NNT: variants seen among roughly 807,000 people sequenced by gnomAD.
NNT encodes NAD(P) transhydrogenase, mitochondrial.
In NNT, 50 loss-of-function variants were observed where a neutral mutation model predicts 104.8. The ratio of observed to expected loss-of-function variants is 0.48; its 90% confidence interval spans 0.38 to 0.60. NNT has a LOEUF of 0.60. Ranked by LOEUF, NNT falls within the 20% of genes least tolerant of loss-of-function variation. The pLI, the probability that NNT is intolerant of heterozygous loss-of-function variation, is 0.00. For missense variants in NNT, 1,131 were observed against 1,330.7 expected (o/e 0.85, Z 2.33); for synonymous variants, 461 against 490.4 (o/e 0.94, Z 0.79).
chr5:43,662,893 CAAA>C (rs34800286), intron 17 of NNT, among the ~76,000 whole-genome samples: 4 of 79,644 alleles, frequency 5.0e-5, no homozygotes, highest in Admixed American at 1.5e-4. Context: ...GACCCTGTCT[CAAA>C]AAAAAAAAAA....
At position 43,704,331 on chromosome 5, in the gene NNT, C is replaced by T; in HGVS notation, c.3188C>T (p.Ala1063Val). 1.2e-6 allele frequency: 2 copies of T among 1,612,542 alleles called. No homozygotes were observed. Among genetic ancestry groups the T allele is most frequent in the East Asian group, 2.2e-5 (1 of 44,742 alleles). ...DNPIFYKPNT[A>V]MLLGDAKKTC... Reference sequence around the variant, plus strand: ...CCAATCTTCTACAAACCTAACACGGCCATGCTTCTAGGTGATGCCAAGAAA... The same window carrying T: ...CCAATCTTCTACAAACCTAACACGGTCATGCTTCTAGGTGATGCCAAGAAA... Residue 1063 changes from alanine (A) to valine (V), a missense_variant, in exon 22 of 22, where the codon GCC becomes GTC. By Grantham distance (64) the Ala-to-Val change is moderately conservative. Coordinates refer to ENST00000344920, the MANE Select transcript of NNT (RefSeq NM_182977.3).
At chr5:43,651,691 G>A (rs965964122) in intron 12 of NNT, 48 bp from the exon 13 acceptor site, 53 of 1,596,738 alleles carry the variant, frequency 3.3e-5, no homozygotes, top group Non-Finnish European at 4.4e-5. Context: ...ATGTTGCTCA[G>A]TGAGCTCAAA....
chr5:43,609,473 AAAC>A (rs1355257757), intron 2 of NNT, 127 bp downstream of exon 2: 2 of 841,206 alleles, frequency 2.4e-6, no homozygotes, highest in Non-Finnish European at 3.6e-6. Context: ...CATTTTAAAC[AAAC>A]AACAAGTAAG....
At chr5:43,682,914 A>G (rs1741797899) in intron 19 of NNT, among the ~76,000 whole-genome samples, 2 of 152,224 alleles carry the variant, frequency 1.3e-5, no homozygotes, top group African/African-American at 4.8e-5. Flanking sequence ...TTAATTGATT[A>G]ATTAATAGGC....
At chr5:43,613,644 T>C in intron 3 of NNT, 1 of 152,708 alleles carries the variant, frequency 6.5e-6, no homozygotes, top group East Asian at 1.9e-4. Flanking sequence ...TAAAATAAGT[T>C]CTTAAGGTAA....
rs764108779 is a variant in NNT, at chr5:43,659,281, C to T, written c.2565C>T (p.Asn855=). The change falls in exon 17 of 22, where the codon AAC becomes AAT. Residue 855 remains asparagine, a synonymous_variant. Coordinates refer to ENST00000344920, the MANE Select transcript of NNT (RefSeq NM_182977.3). ...ALCAEGFLLN[N]NLLTIVGALI... is the part of the protein sequence containing the mutation. ...GTGCAGAGGGCTTCCTGCTCAACAA[C>T]AATCTGCTGACCATCGTGGGTGCAC... 6.8e-6 allele frequency: 11 copies of T among 1,613,932 alleles called. No homozygotes were observed. Among genetic ancestry groups the T allele is most frequent in the African/African-American group, 2.7e-5 (2 of 74,904 alleles).
Position 43,638,011 on chromosome 5 carries a change from G to A in NNT, c.965-6181G>A, listed in dbSNP as rs569606383. Among the ~76,000 whole-genome samples the A allele has an allele frequency of 2.0e-5, 3 of 152,282 alleles. No homozygotes were observed. The East Asian group carries it at 5.8e-4, about 29-fold the overall frequency. On this transcript the variant is annotated intron_variant, in intron 7 of 21. Transcript: ENST00000344920. ...TCCCCACGTATCACGGGAAGGACCA[G>A]GTGGAGAGAATTGAACCAAGGGGGC... is the stretch of plus-strand genomic sequence containing the variant.
chr5:43,639,408 C>T (rs1184843026), intron 7 of NNT, among the ~76,000 whole-genome samples: 1 of 152,102 alleles, frequency 6.6e-6, no homozygotes, highest in East Asian at 1.9e-4. Context: ...CATGGAGATT[C>T]AAGGATGCCT....
chr5:43,692,307 C>T (rs1190594886), intron 19 of NNT, among the ~76,000 whole-genome samples: 1 of 152,098 alleles, frequency 6.6e-6, no homozygotes. Context: ...ACTCCCTAGA[C>T]TGAACATGTG....
chr5:43,621,804 T>C (rs566211406), intron 5 of NNT, among the ~76,000 whole-genome samples: 1 of 152,212 alleles, frequency 6.6e-6, no homozygotes, highest in East Asian at 1.9e-4. Flanking sequence ...CCTCTGACCT[T>C]TGAGGTGAGA....
chr5:43,626,671 C>T (rs971760828), intron 6 of NNT, among the ~76,000 whole-genome samples: 2 of 151,296 alleles, frequency 1.3e-5, no homozygotes, highest in African/African-American at 4.9e-5. Flanking sequence ...AGTGAAAATA[C>T]CTTTTATTAT....
At chr5:43,667,976 T>G (rs1740808424) in intron 17 of NNT, among the ~76,000 whole-genome samples, 1 of 152,254 alleles carries the variant, frequency 6.6e-6, no homozygotes, top group African/African-American at 2.4e-5. Flanking sequence ...TGGTGTGAGA[T>G]GGTATCTCAT....
chr5:43,690,172 A>C (rs994045193), intron 19 of NNT, among the ~76,000 whole-genome samples: 3 of 152,130 alleles, frequency 2.0e-5, no homozygotes, highest in Non-Finnish European at 4.4e-5. Context: ...AACTCAAAGA[A>C]CACCTGGAGA....
At chr5:43,628,493 AT>A in intron 7 of NNT, 106 bp downstream of exon 7, 1 of 780,222 alleles carries the variant, frequency 1.3e-6, no homozygotes, top group South Asian at 2.8e-5. Flanking sequence ...TTAAGGAAGG[AT>A]CTAGTACTTT....
chr5:43,623,998 T>G, intron 5 of NNT, 34 bp from the exon 6 acceptor site: 3 of 1,593,992 alleles, frequency 1.9e-6, no homozygotes, highest in Non-Finnish European at 2.6e-6. Context: ...TAGTTGATAA[T>G]GAGCCTTAAC....
chr5:43,698,935 G>C (rs1742707339), intron 19 of NNT, among the ~76,000 whole-genome samples: 1 of 150,648 alleles, frequency 6.6e-6, no homozygotes, highest in African/African-American at 2.4e-5. Context: ...TAATGGATTA[G>C]ACCTTAGAAG....
rs200162492 is a variant in NNT at position 43,651,827 on chromosome 5, C to T, written c.1806C>T (p.Ala602=). 14 of 1,614,092 alleles carry T rather than the reference C, an allele frequency of 8.7e-6. No individual in the cohort carries two copies. Among genetic ancestry groups the T allele is most frequent in the African/African-American group, 4.0e-5 (3 of 75,006 alleles). Residue 602 remains alanine (A), a synonymous_variant, in exon 13 of 22, where the codon GCC becomes GCT. Transcript: ENST00000344920. ...ACAACTACCTGTACCTGCTCCCTGCCGGCACCTTTGTTGGTGGATATTTAG... is the reference window on the plus strand; with the variant it reads ...ACAACTACCTGTACCTGCTCCCTGCTGGCACCTTTGTTGGTGGATATTTAG... ...PEYNYLYLLP[A]GTFVGGYLAA...
At chr5:43,666,769 T>A in intron 17 of NNT, 1 of 1,293,878 alleles carries the variant, frequency 7.7e-7, no homozygotes. Flanking sequence ...AGATATCTAC[T>A]CTGAAGGCTT....
intron 6 of NNT, among the ~76,000 whole-genome samples, chr5:43,627,563 G>T (rs936911135): frequency 6.6e-6 from 1 of 152,160 alleles, no homozygotes; most frequent in African/African-American, 2.4e-5. Context: ...TGAGGTGTTT[G>T]TTGGCTGTGG....
Sources: gnomAD v4.1 joint callset for allele counts (sites outside exome capture counted in the v4.1 genomes callset) on GRCh38, gnomAD v4.1.1 for gene constraint, MANE v1.5 for transcripts, NCBI Gene and HGNC (gene_info 2026-07-23, HGNC 2026-07-21) for gene names.